The following NAPEPLD variants were observed in gnomAD, a reference collection of about 807,000 sequenced individuals.
NAPEPLD encodes N-acyl-phosphatidylethanolamine-hydrolyzing phospholipase D.
Under a neutral mutation model 38.1 loss-of-function variants are expected in NAPEPLD, and 23 were observed. The observed-to-expected ratio is 0.60, with a 90% confidence interval of 0.43 to 0.86. NAPEPLD has a LOEUF of 0.86. NAPEPLD is among the 40% of genes least tolerant of loss of function. The pLI is 0.00. For synonymous variants in NAPEPLD, 147 were observed against 162.0 expected (o/e 0.91, Z 0.71); for missense variants, 411 against 476.8 (o/e 0.86, Z 1.28).
At chr7:103,131,028 C>G (rs1264164082) in intron 1 of NAPEPLD, among the ~76,000 whole-genome samples, 1 of 152,124 alleles carries the variant, frequency 6.6e-6, no homozygotes, top group Non-Finnish European at 1.5e-5. Context: ...CTTCGTTTAA[C>G]AGATGAAAAT....
chr7:103,111,109 A>T (rs1183203609), intron 4 of NAPEPLD, among the ~76,000 whole-genome samples: 1 of 152,214 alleles, frequency 6.6e-6, no homozygotes, highest in Non-Finnish European at 1.5e-5. Context: ...GAAATAAGAG[A>T]GGACACAAAC....
rs139266245 is a variant in NAPEPLD at position 103,144,009 on chromosome 7, A to G, written c.-17+4802T>C. ...ATTTATCATTTACTAAGCATTTACT[A>G]TGTACCAAGCACTTTAGATAATTAT... is the stretch of plus-strand genomic sequence containing the variant. On this transcript the variant is annotated intron_variant, in intron 1 of 4. Transcript: ENST00000465647. 3.8e-3 allele frequency among the ~76,000 whole-genome samples: 578 copies of G among 152,336 alleles called. 5 individuals carry two copies. Among genetic ancestry groups the G allele is most frequent in the African/African-American group, 0.014 (569 of 41,576 alleles).
chr7:103,136,587 C>CAAAAAA (rs10708983), intron 1 of NAPEPLD, among the ~76,000 whole-genome samples: 2 of 96,162 alleles, frequency 2.1e-5, no homozygotes, highest in Non-Finnish European at 4.5e-5. Context: ...CTCTGTCTCA[C>CAAAAAA]AAAAAAAAAA....
At chr7:103,148,196 C>CA in intron 1 of NAPEPLD, 1 of 699,910 alleles carries the variant, frequency 1.4e-6, no homozygotes. Context: ...TCAGGAATGA[C>CA]TTCCTGGACA....
intron 1 of NAPEPLD, among the ~76,000 whole-genome samples, chr7:103,143,700 C>G (rs1811955600): frequency 6.6e-6 from 1 of 152,194 alleles, no homozygotes; most frequent in South Asian, 2.1e-4. Flanking sequence ...CCTGAACTGT[C>G]CAACTTTGGA....
intron 1 of NAPEPLD, chr7:103,147,977 A>C (rs1812923661): frequency 2.0e-6 from 2 of 981,718 alleles, no homozygotes; most frequent in Non-Finnish European, 2.4e-6. Flanking sequence ...TTTCTTCTTT[A>C]ACAGACCCAG....
At chr7:103,103,626 CAAACTAAAA>C in intron 4 of NAPEPLD, 72 bp from the exon 5 acceptor site, 2 of 1,485,278 alleles carry the variant, frequency 1.3e-6, no homozygotes, top group Non-Finnish European at 1.8e-6. Flanking sequence ...AATAACAGTT[CAAACTAAAA>C]TAACCAACAG....
chr7:103,142,451 C>A (rs989111403), intron 1 of NAPEPLD, among the ~76,000 whole-genome samples: 13 of 151,974 alleles, frequency 8.6e-5, no homozygotes, highest in Non-Finnish European at 1.5e-4. Context: ...ACTAAAAATA[C>A]AAAAAATAGC....
At chr7:103,143,731 A>C (rs1366612196) in intron 1 of NAPEPLD, among the ~76,000 whole-genome samples, 1 of 152,246 alleles carries the variant, frequency 6.6e-6, no homozygotes, top group Non-Finnish European at 1.5e-5. Flanking sequence ...GTGTAGGAAA[A>C]ACATATTTGA....
At chr7:103,147,793 A>G (rs1455116027) in intron 1 of NAPEPLD, among the ~76,000 whole-genome samples, 1 of 152,230 alleles carries the variant, frequency 6.6e-6, no homozygotes, top group Non-Finnish European at 1.5e-5. Context: ...GAAATACACT[A>G]AGTATTTTTA....
chr7:103,144,468 T>C (rs1012704590), intron 1 of NAPEPLD, among the ~76,000 whole-genome samples: 2 of 152,166 alleles, frequency 1.3e-5, no homozygotes, highest in Admixed American at 6.5e-5. Context: ...TACAGTTACA[T>C]TGAAAAGAAC....
At chr7:103,104,401 C>T (rs191910382) in intron 4 of NAPEPLD, among the ~76,000 whole-genome samples, 3 of 152,240 alleles carry the variant, frequency 2.0e-5, no homozygotes, top group South Asian at 2.1e-4. Flanking sequence ...CTGACTTCTA[C>T]GGCACGCACT....
chr7:103,149,380 G>T (rs985859239), upstream of NAPEPLD: 27 of 1,168,230 alleles, frequency 2.3e-5, no homozygotes, highest in Non-Finnish European at 2.9e-5. Context: ...AGGGGCGACC[G>T]CGGCAGGCGC....
intron 4 of NAPEPLD, among the ~76,000 whole-genome samples, chr7:103,113,481 C>T (rs1353366668): frequency 6.6e-6 from 1 of 151,814 alleles, no homozygotes; most frequent in African/African-American, 2.4e-5. Flanking sequence ...AGAGGAGTAA[C>T]TAAAACTGCA....
chr7:103,124,414 C>T (rs1278257072), intron 2 of NAPEPLD, among the ~76,000 whole-genome samples: 1 of 151,756 alleles, frequency 6.6e-6, no homozygotes, highest in Non-Finnish European at 1.5e-5. Context: ...GCCAAGATTG[C>T]ACCACTGCAC....
chr7:103,115,051 C>T lies in NAPEPLD; in HGVS notation c.1056+9G>A. The T allele has an allele frequency of 1.9e-6, 3 of 1,599,964 alleles. No individual in the cohort carries two copies. The highest frequency in any genetic ancestry group is 2.6e-6 in the Non-Finnish European group (3 of 1,169,552). ...CACACAAAGTTATTTTTATCGCAAT[C>T]AAACTTACCTCATTTGCTAAGGCAA... On this transcript the variant is annotated intron_variant, in intron 4 of 4. Transcript: ENST00000465647.
Position 103,126,265 on chromosome 7 carries a change from G to A in NAPEPLD, c.294+2218C>T, listed in dbSNP as rs1052511348. On this transcript the variant is annotated intron_variant, in intron 2 of 4. Coordinates refer to ENST00000465647, the MANE Select transcript of NAPEPLD (RefSeq NM_001122838.3). ...TCCAAGCATGAATTTTGAGTTCTTTGCTTCTTTAAAACTTGCTCCATGTGC... is the reference window on the plus strand; with the variant it reads ...TCCAAGCATGAATTTTGAGTTCTTTACTTCTTTAAAACTTGCTCCATGTGC... 2.0e-5 allele frequency among the ~76,000 whole-genome samples: 3 copies of A among 152,260 alleles called. No individual in the cohort carries two copies. The South Asian group carries it at 6.2e-4, about 32-fold the overall frequency.
rs569272091 is a variant in NAPEPLD, at chr7:103,119,594, G to A, written c.924C>T (p.Ile308=). 9 of 1,613,680 alleles carry A rather than the reference G, an allele frequency of 5.6e-6. No individual in the cohort carries two copies. Among genetic ancestry groups the A allele is most frequent in the South Asian group, 1.1e-5 (1 of 91,040 alleles). The change falls in exon 3 of 5, where the codon ATC becomes ATT. Residue 308 remains isoleucine, a synonymous_variant. Transcript: ENST00000465647. ...CTACATACCTCGGTTCATAAGCTCC[G>A]ATGGGAATAGCTGCAAGGTCAAAAG... is the stretch of plus-strand genomic sequence containing the variant. The part of the protein sequence containing the change: ...FGPFDLAAIP[I]GAYEPRWFMK...
chr7:103,119,932 C>G lies in NAPEPLD; in HGVS notation c.586G>C (p.Val196Leu). The change falls in exon 3 of 5, where the codon GTC becomes CTC. Residue 196 changes from valine (V) to leucine (L), a missense_variant. Val to Leu is a conservative substitution (Grantham distance 32). Coordinates refer to ENST00000465647, the MANE Select transcript of NAPEPLD (RefSeq NM_001122838.3). ...NHYDHLDYNSVIALNERFGNE... is the reference protein window; with the variant it reads ...NHYDHLDYNSLIALNERFGNE... ...CCAAATCGCTCATTCAAAGCAATGACAGAATTGTAGTCCAGATGGTCATAG... is the reference window on the plus strand; with the variant it reads ...CCAAATCGCTCATTCAAAGCAATGAGAGAATTGTAGTCCAGATGGTCATAG... 1 of 1,614,202 alleles carries G rather than the reference C, an allele frequency of 6.2e-7. No individual in the cohort carries two copies.
Sources: gnomAD v4.1 joint callset for allele counts (sites outside exome capture counted in the v4.1 genomes callset) on GRCh38, gnomAD v4.1.1 for gene constraint, MANE v1.5 for transcripts, NCBI Gene and HGNC (gene_info 2026-07-23, HGNC 2026-07-21) for gene names.